UPK1B: variants seen among roughly 807,000 people sequenced by gnomAD.
The protein encoded by UPK1B is uroplakin-1b.
Under a neutral mutation model 34.2 loss-of-function variants are expected in UPK1B, and 28 were observed. That is an observed-to-expected ratio of 0.82 (90% CI 0.61 to 1.12). The LOEUF (loss-of-function observed/expected upper bound fraction) is 1.12, where lower values mean the gene tolerates loss of function less well. Among genes scored for constraint, UPK1B ranks in the 50% most tolerant of loss-of-function variants. The pLI is 0.00. For synonymous variants in UPK1B, 81 were observed against 110.4 expected (o/e 0.73, Z 1.67); for missense variants, 325 against 320.9 (o/e 1.01, Z -0.10).
chr3:119,196,503 A>G (rs1559903821), intron 6 of UPK1B, among the ~76,000 whole-genome samples: 1 of 151,868 alleles, frequency 6.6e-6, no homozygotes, highest in Admixed American at 6.6e-5. Flanking sequence ...ATGGGTGAAT[A>G]AAGAAGTGAA....
intron 1 of UPK1B, among the ~76,000 whole-genome samples, chr3:119,185,193 G>C (rs891323230): frequency 7.2e-5 from 11 of 152,218 alleles, no homozygotes; most frequent in African/African-American, 2.4e-4. Flanking sequence ...TGAGCTAAAA[G>C]TGCTCATAAA....
At chr3:119,193,673 T>C (rs1421804970) in intron 5 of UPK1B, among the ~76,000 whole-genome samples, 3 of 152,204 alleles carry the variant, frequency 2.0e-5, no homozygotes, top group African/African-American at 7.2e-5. Flanking sequence ...CAATTACTCA[T>C]AACTTCACCA....
chr3:119,186,550 A>G lies in UPK1B; in HGVS notation c.-28-164A>G, dbSNP rs1399246772. 3 of 597,312 alleles carry G rather than the reference A, an allele frequency of 5.0e-6. No individual in the cohort carries two copies. The African/African-American group carries it at 5.6e-5, about 11-fold the overall frequency. The allele number at this position is 597,312 out of a possible 1,614,324, so 37.0% of individuals were successfully genotyped here. A position where few individuals can be genotyped will look rare whatever the true frequency, so the allele number is the denominator to read the frequency against. On this transcript the variant is annotated intron_variant, in intron 1 of 7. Coordinates refer to ENST00000264234, the MANE Select transcript of UPK1B (RefSeq NM_006952.4). ...GAAGGCTATATTCTTTTCATTCTTTATAAAAGTTATGTGATTACCAAGCTC... is the reference window on the plus strand; with the variant it reads ...GAAGGCTATATTCTTTTCATTCTTTGTAAAAGTTATGTGATTACCAAGCTC...
At chr3:119,190,150 T>C in intron 3 of UPK1B, 95 bp from the exon 4 acceptor site, 1 of 958,686 alleles carries the variant, frequency 1.0e-6, no homozygotes, top group Non-Finnish European at 1.6e-6. Flanking sequence ...ATTACATGAT[T>C]ATATGATAAA....
At chr3:119,195,358 T>A (rs1285917385) in intron 6 of UPK1B, among the ~76,000 whole-genome samples, 15 of 152,180 alleles carry the variant, frequency 9.9e-5, no homozygotes, top group Non-Finnish European at 1.5e-5. Context: ...CATTAAATAA[T>A]TGAGAAATGT....
At chr3:119,195,151 A>G (rs994499779) in intron 6 of UPK1B, among the ~76,000 whole-genome samples, 6 of 151,832 alleles carry the variant, frequency 4.0e-5, no homozygotes, top group African/African-American at 1.5e-4. Context: ...TTTTCAAAAA[A>G]CTCTCTGGCT....
At chr3:119,192,686 C>A (rs2078049607) in intron 5 of UPK1B, among the ~76,000 whole-genome samples, 1 of 152,136 alleles carries the variant, frequency 6.6e-6, no homozygotes, top group Non-Finnish European at 1.5e-5. Context: ...GTGCACTTTG[C>A]CTTCTCTCTT....
chr3:119,186,565 T>A (rs1257189753), intron 1 of UPK1B, 149 bp from the exon 2 acceptor site: 1 of 615,226 alleles, frequency 1.6e-6, no homozygotes, highest in Admixed American at 3.1e-5. Flanking sequence ...AGTTATGTGA[T>A]TACCAAGCTC....
intron 1 of UPK1B, chr3:119,175,924 C>A (rs2107569699): frequency 6.6e-6 from 1 of 152,294 alleles, no homozygotes; most frequent in African/African-American, 2.4e-5. Flanking sequence ...AGCTTTAAAG[C>A]AAGAAAAACT....
chr3:119,175,012 C>CTTTT (rs374721069), intron 1 of UPK1B, among the ~76,000 whole-genome samples: 14 of 67,434 alleles, frequency 2.1e-4, no homozygotes, highest in African/African-American at 3.7e-4. Context: ...CTTTTATTTT[C>CTTTT]TTTTTTTTTT....
In UPK1B at chr3:119,190,306, C is replaced by T. The variant is rs2078038230; in HGVS notation, c.332C>T (p.Thr111Ile). 1.2e-6 allele frequency: 2 copies of T among 1,611,922 alleles called. No homozygotes were observed. The highest frequency in any genetic ancestry group is 1.3e-5 in the African/African-American group (1 of 74,972). ...GTGGCATCTTGTATCACAGCAGCAA[C>T]ACAACAAGACTTTGTGAGTACAACC... The part of the protein sequence containing the change: ...FEVASCITAA[T>I]QQDFFTPNLF... Residue 111 changes from threonine (T) to isoleucine (I), a missense_variant, in exon 4 of 8, where the codon ACA becomes ATA. Coordinates refer to ENST00000264234, the MANE Select transcript of UPK1B (RefSeq NM_006952.4).
chr3:119,185,801 C>G (rs2107429864), intron 1 of UPK1B, among the ~76,000 whole-genome samples: 1 of 152,304 alleles, frequency 6.6e-6, no homozygotes, highest in African/African-American at 2.4e-5. Context: ...AGTGCAGAAG[C>G]CCAAGTGATT....
intron 1 of UPK1B, among the ~76,000 whole-genome samples, chr3:119,183,845 G>A (rs2078001157): frequency 6.6e-6 from 1 of 152,212 alleles, no homozygotes; most frequent in African/African-American, 2.4e-5. Context: ...ATAAATGGCA[G>A]TTTTCATCAC....
chr3:119,183,672 C>T (rs1217065375), intron 1 of UPK1B, among the ~76,000 whole-genome samples: 1 of 152,184 alleles, frequency 6.6e-6, no homozygotes, highest in African/African-American at 2.4e-5. Flanking sequence ...CCTCTGCCCT[C>T]CAGAACTGTA....
At chr3:119,190,440 T>G in intron 4 of UPK1B, 121 bp downstream of exon 4, 4 of 625,650 alleles carry the variant, frequency 6.4e-6, no homozygotes, top group Non-Finnish European at 8.1e-6. Flanking sequence ...ACATCTATCA[T>G]TTTACTTAAT....
intron 3 of UPK1B, 69 bp from the exon 4 acceptor site, chr3:119,190,174 CAT>C: frequency 8.2e-7 from 1 of 1,226,124 alleles, no homozygotes; most frequent in Non-Finnish European, 1.2e-6. Context: ...GCTGAAAAAA[CAT>C]AATTATTTGG....
At chr3:119,176,606 C>A (rs950392895) in intron 1 of UPK1B, among the ~76,000 whole-genome samples, 1 of 152,142 alleles carries the variant, frequency 6.6e-6, no homozygotes, top group Non-Finnish European at 1.5e-5. Flanking sequence ...AGGGGCTATT[C>A]CTTTACATGG....
intron 1 of UPK1B, 43 bp from the exon 2 acceptor site, chr3:119,186,671 T>C: frequency 1.3e-6 from 2 of 1,525,600 alleles, no homozygotes; most frequent in Non-Finnish European, 1.8e-6. Context: ...GGTTTACTCA[T>C]GTTACAGAAA....
intron 1 of UPK1B, among the ~76,000 whole-genome samples, chr3:119,179,934 G>A (rs1433578507): frequency 6.9e-6 from 1 of 145,918 alleles, no homozygotes; most frequent in African/African-American, 2.5e-5. Flanking sequence ...GAGTAGCTGG[G>A]ATTACAGGCA....
Sources: allele counts gnomAD v4.1 joint callset (sites outside exome capture counted in the v4.1 genomes callset), GRCh38; gene constraint gnomAD v4.1.1; transcripts MANE v1.5; gene names NCBI Gene and HGNC (gene_info 2026-07-23, HGNC 2026-07-21).